Variants in TACC2 observed in about 807,000 individuals in gnomAD.
The protein encoded by TACC2 is transforming acidic coiled-coil containing protein 2.
A neutral mutation model predicts 227.3 loss-of-function variants in TACC2; 137 were observed. That is an observed-to-expected ratio of 0.60 (90% CI 0.52 to 0.69). The LOEUF is 0.69. Among genes scored for constraint, TACC2 ranks in the 30% least tolerant of loss-of-function variants. TACC2 has a pLI of 0.00. For missense variants in TACC2, 3,470 were observed against 3,694.4 expected (o/e 0.94, Z 1.57); for synonymous variants, 1,523 against 1,487.5 (o/e 1.02, Z -0.55).
chr10:122,228,029 C>A (rs758225392), intron 14 of TACC2, 21 bp downstream of exon 14: 2 of 1,607,400 alleles, frequency 1.2e-6, no homozygotes, highest in Non-Finnish European at 1.7e-6. Context: ...TTGGAGGGCC[C>A]CAGATCACAG....
At chr10:122,097,013 G>A (rs955129581) in intron 5 of TACC2, among the ~76,000 whole-genome samples, 7 of 152,070 alleles carry the variant, frequency 4.6e-5, no homozygotes, top group Non-Finnish European at 7.4e-5. Flanking sequence ...AAGCCTGGCC[G>A]AGGGTGTTTA....
rs867159434 is a variant in TACC2 at position 122,246,737 on chromosome 10, A to G, written c.8393-1906A>G. ...CTAGGCCCTGGGGCAGAGCAAGTGG[A>G]CAAAACAGACTCTGGTGCCTGCCCT... On this transcript the variant is annotated intron_variant, in intron 19 of 22. Transcript: ENST00000369005. 3 of 152,194 alleles carry G rather than the reference A, an allele frequency of 2.0e-5. No individual in the cohort carries two copies. The East Asian group carries it at 5.8e-4, about 29-fold the overall frequency. 9.4% of individuals were successfully genotyped at this position (152,194 alleles called of 1,614,324 possible). A position where few individuals can be genotyped will look rare whatever the true frequency, so the allele number is the denominator to read the frequency against.
chr10:121,995,504 ACTC>A (rs1225680633), intron 1 of TACC2, among the ~76,000 whole-genome samples: 2 of 151,848 alleles, frequency 1.3e-5, no homozygotes, highest in East Asian at 3.9e-4. Flanking sequence ...AGGGGGCAAA[ACTC>A]CTCCCAGTTC....
chr10:122,222,878 C>A (rs142485190), intron 11 of TACC2, among the ~76,000 whole-genome samples: 2 of 152,132 alleles, frequency 1.3e-5, no homozygotes, highest in Non-Finnish European at 2.9e-5. Flanking sequence ...GTAATGATAC[C>A]TTAGAAGAGG....
intron 3 of TACC2, among the ~76,000 whole-genome samples, chr10:122,064,258 G>T (rs565333164): frequency 1.3e-5 from 2 of 152,166 alleles, no homozygotes; most frequent in South Asian, 4.2e-4. Flanking sequence ...ACAGTTTTAG[G>T]TTACCGAAAA....
intron 7 of TACC2, among the ~76,000 whole-genome samples, chr10:122,171,132 AC>A (rs1357744621): frequency 1.3e-5 from 2 of 151,810 alleles, no homozygotes; most frequent in Admixed American, 6.6e-5. Flanking sequence ...TGTACAGTGC[AC>A]CCCATGGCTG....
rs189802947 is a variant in TACC2, at chr10:122,167,212, C to T, written c.5834+23506C>T. 1.3e-3 allele frequency among the ~76,000 whole-genome samples: 193 copies of T among 152,292 alleles called. 2 individuals are homozygous for T. Among genetic ancestry groups the T allele is most frequent in the Middle Eastern group, 6.8e-3 (2 of 294 alleles). On this transcript the variant is annotated intron_variant, in intron 7 of 22. Transcript: ENST00000369005. ...CCCTACTCTCAAAGTGAGCACGTGC[C>T]CTTGGCTCTAAAAAACAAATCACAA... is the stretch of plus-strand genomic sequence containing the variant.
At chr10:122,195,008 T>C in intron 7 of TACC2, 32 bp from the exon 8 acceptor site, 2 of 1,576,754 alleles carry the variant, frequency 1.3e-6, no homozygotes, top group Non-Finnish European at 1.7e-6. Flanking sequence ...TCTGGGCCCC[T>C]GTCTAACCTG....
At position 122,163,826 on chromosome 10, in the gene TACC2, C is replaced by T. The variant is rs2092978852; in HGVS notation, c.5834+20120C>T. 5 of 1,468,004 alleles carry T rather than the reference C, an allele frequency of 3.4e-6. No individual in the cohort carries two copies. The East Asian group carries it at 1.0e-4, about 30-fold the overall frequency. 90.9% of individuals were successfully genotyped at this position (1,468,004 alleles called of 1,614,324 possible). On this transcript the variant is annotated intron_variant, in intron 7 of 22. Transcript: ENST00000369005. ...CTGCTCCCCTCTGCAGTGCAGCAAC[C>T]CCGGCCGCCGGCCGGCTCGCCCCGG...
intron 1 of TACC2, among the ~76,000 whole-genome samples, chr10:122,014,465 C>T (rs1308422752): frequency 3.3e-5 from 5 of 152,182 alleles, no homozygotes; most frequent in African/African-American, 1.2e-4. Flanking sequence ...CCTGCCTCAG[C>T]CTCCTAAAGG....
At chr10:122,161,564 G>A (rs145713207) in intron 7 of TACC2, among the ~76,000 whole-genome samples, 1 of 152,368 alleles carries the variant, frequency 6.6e-6, no homozygotes. Flanking sequence ...CACAGCTAAC[G>A]AGGGAGAAGT....
intron 8 of TACC2, among the ~76,000 whole-genome samples, chr10:122,201,078 A>G (rs1267092638): frequency 2.1e-5 from 3 of 142,642 alleles, no homozygotes; most frequent in East Asian, 4.1e-4. Context: ...GAGGACGGCC[A>G]CCTCACCTGC....
At chr10:122,244,583 C>T (rs983362165) in intron 19 of TACC2, among the ~76,000 whole-genome samples, 5 of 152,136 alleles carry the variant, frequency 3.3e-5, no homozygotes, top group African/African-American at 4.8e-5. Flanking sequence ...CTTTCTGGCA[C>T]GGTTCAGGTC....
At position 122,159,244 on chromosome 10, in the gene TACC2, T is replaced by G. The variant is rs577637516; in HGVS notation, c.5834+15538T>G. On this transcript the variant is annotated intron_variant, in intron 7 of 22. Transcript: ENST00000369005. ...CAAAGCCAGGAGGTCGGATTGGGACTTTTTTGCAAAGGCAGTGGACGACTT... is the reference window on the plus strand; with the variant it reads ...CAAAGCCAGGAGGTCGGATTGGGACGTTTTTGCAAAGGCAGTGGACGACTT... Among the ~76,000 whole-genome samples, 10 of 152,294 alleles carry G rather than the reference T, an allele frequency of 6.6e-5. No individual in the cohort carries two copies. The East Asian group carries it at 1.9e-3, about 29-fold the overall frequency.
intron 3 of TACC2, among the ~76,000 whole-genome samples, chr10:122,070,187 G>A (rs556369735): frequency 2.2e-4 from 33 of 152,312 alleles, no homozygotes; most frequent in South Asian, 4.1e-4. Flanking sequence ...CATCTTATGC[G>A]TCAGAGAATG....
chr10:122,021,822 G>A (rs543418163), intron 1 of TACC2, 115 bp from the exon 2 acceptor site: 74 of 637,922 alleles, frequency 1.2e-4, no homozygotes, highest in Middle Eastern at 2.8e-4. Context: ...TGATGTGACC[G>A]TAGAGATAAA....
chr10:122,027,197 C>T (rs527927184), intron 2 of TACC2, among the ~76,000 whole-genome samples: 1 of 152,300 alleles, frequency 6.6e-6, no homozygotes, highest in African/African-American at 2.4e-5. Context: ...TTGCATTTCT[C>T]TGTTGACATA....
At chr10:122,214,245 A>C (rs760363449) in intron 9 of TACC2, among the ~76,000 whole-genome samples, 29 of 152,176 alleles carry the variant, frequency 1.9e-4, no homozygotes, top group Non-Finnish European at 3.2e-4. Context: ...AGCAACTATA[A>C]AATATATGGT....
chr10:122,196,830 G>A (rs1004425363), intron 8 of TACC2, among the ~76,000 whole-genome samples: 3 of 151,494 alleles, frequency 2.0e-5, no homozygotes, highest in Non-Finnish European at 2.9e-5. Flanking sequence ...CAGCTACTCG[G>A]GAGGCTGAGG....
Sources: gnomAD v4.1 joint callset for allele counts (sites outside exome capture counted in the v4.1 genomes callset) on GRCh38, gnomAD v4.1.1 for gene constraint, MANE v1.5 for transcripts, NCBI Gene and HGNC (gene_info 2026-07-23, HGNC 2026-07-21) for gene names.